The following SORCS1 variants were observed in gnomAD, a reference collection of about 807,000 sequenced individuals.
SORCS1 encodes sortilin related VPS10 domain containing receptor 1, also known as VPS10 domain-containing receptor SorCS1.
Under a neutral mutation model 146.1 loss-of-function variants are expected in SORCS1, and 60 were observed. The observed-to-expected ratio is 0.41, with a 90% CI of 0.33 to 0.51. The LOEUF (loss-of-function observed/expected upper bound fraction) is 0.51, where lower values mean the gene tolerates loss of function less well. Ranked by LOEUF, SORCS1 falls within the 20% of genes least tolerant of loss-of-function variation. The pLI, the probability that SORCS1 is intolerant of heterozygous loss-of-function variation, is 0.21. For synonymous variants in SORCS1, 637 were observed against 584.0 expected (o/e 1.09, Z -1.31); for missense variants, 1,352 against 1,487.6 (o/e 0.91, Z 1.50).
intron 2 of SORCS1, among the ~76,000 whole-genome samples, chr10:106,950,304 T>C (rs1589772045): frequency 6.6e-6 from 1 of 152,364 alleles, no homozygotes; most frequent in Middle Eastern, 3.4e-3. Context: ...CCTGGTTTGT[T>C]GATATCCAGC....
At chr10:107,112,959 A>G (rs61867248) in intron 1 of SORCS1, among the ~76,000 whole-genome samples, 44,082 of 152,164 alleles carry the variant, frequency 0.29, 8,247 homozygotes, top group Middle Eastern at 0.43. Flanking sequence ...TCCAGAGAGA[A>G]AATTAATAAA....
chr10:106,907,912 A>G (rs1951980849), intron 2 of SORCS1, among the ~76,000 whole-genome samples: 1 of 151,552 alleles, frequency 6.6e-6, no homozygotes, highest in African/African-American at 2.4e-5. Flanking sequence ...AAAAAAAATT[A>G]CATCACATAT....
At chr10:107,100,025 G>T (rs1197671990) in intron 1 of SORCS1, among the ~76,000 whole-genome samples, 2 of 152,204 alleles carry the variant, frequency 1.3e-5, no homozygotes, top group Admixed American at 6.5e-5. Flanking sequence ...GGGCAGACAT[G>T]TCTGTTCCTG....
At chr10:106,672,335 A>G (rs997841977) in intron 15 of SORCS1, among the ~76,000 whole-genome samples, 1 of 152,216 alleles carries the variant, frequency 6.6e-6, no homozygotes, top group Non-Finnish European at 1.5e-5. Context: ...GTGAGAGGCC[A>G]GGACAAATGA....
intron 24 of SORCS1, 135 bp from the exon 25 acceptor site, chr10:106,579,609 G>A: frequency 1.2e-6 from 1 of 843,070 alleles, no homozygotes; most frequent in South Asian, 1.7e-5. Flanking sequence ...CAAGATGCAT[G>A]TCACATGGCT....
chr10:106,801,424 T>G (rs1946866657), intron 3 of SORCS1, among the ~76,000 whole-genome samples: 1 of 152,118 alleles, frequency 6.6e-6, no homozygotes, highest in Non-Finnish European at 1.5e-5. Flanking sequence ...TAGCAAACAT[T>G]TAATAGCCCT....
In SORCS1 at chr10:106,911,012, T is replaced by C. The variant is rs114176959; in HGVS notation, c.626+45501A>G. Among the ~76,000 whole-genome samples the C allele has an allele frequency of 3.8e-3, 582 of 152,312 alleles. 2 individuals are homozygous for C. Among genetic ancestry groups the C allele is most frequent in the African/African-American group, 0.012 (498 of 41,562 alleles). On this transcript the variant is annotated intron_variant, in intron 2 of 25. Coordinates refer to ENST00000263054, the MANE Select transcript of SORCS1 (RefSeq NM_052918.5). ...CTTGAATTACTATCCCATCTAGGTC[T>C]TATATATTTCTGATGCCTGTTCTTG... is the stretch of plus-strand genomic sequence containing the variant.
intron 2 of SORCS1, among the ~76,000 whole-genome samples, chr10:106,902,055 A>C (rs1242634099): frequency 6.6e-6 from 1 of 152,090 alleles, no homozygotes; most frequent in Non-Finnish European, 1.5e-5. Flanking sequence ...AAAAAAAAAA[A>C]ATTAGATTTT....
intron 2 of SORCS1, among the ~76,000 whole-genome samples, chr10:106,926,862 CACACAGAGAGAGAGAGAGAG>C (rs1953061442): frequency 2.1e-5 from 2 of 97,364 alleles, no homozygotes; most frequent in African/African-American, 1.0e-4. Flanking sequence ...CACACACACA[CACACAGAGAGAGAGAGAGAG>C]AGAGAGAGAG....
At chr10:106,689,287 A>T (rs947660478) in intron 9 of SORCS1, among the ~76,000 whole-genome samples, 4 of 152,194 alleles carry the variant, frequency 2.6e-5, no homozygotes, top group South Asian at 2.1e-4. Flanking sequence ...ACATTCATGC[A>T]TATTTTACCC....
chr10:107,061,669 C>T (rs1590047319), intron 1 of SORCS1, among the ~76,000 whole-genome samples: 1 of 152,276 alleles, frequency 6.6e-6, no homozygotes, highest in South Asian at 2.1e-4. Context: ...ATCTTGAGTT[C>T]TGGTCTAATT....
intron 1 of SORCS1, among the ~76,000 whole-genome samples, chr10:107,097,467 C>A (rs1350383330): frequency 1.3e-5 from 2 of 152,202 alleles, no homozygotes; most frequent in African/African-American, 4.8e-5. Flanking sequence ...GGTGCTATAA[C>A]AACTGGGCCT....
chr10:106,776,463 G>T, intron 4 of SORCS1, 71 bp downstream of exon 4: 1 of 1,569,060 alleles, frequency 6.4e-7, no homozygotes, highest in South Asian at 1.2e-5. Flanking sequence ...GAAATGGAGA[G>T]ATGATTAAAT....
chr10:106,648,968 A>G (rs1393968159), intron 18 of SORCS1, among the ~76,000 whole-genome samples: 3 of 152,102 alleles, frequency 2.0e-5, no homozygotes, highest in Non-Finnish European at 4.4e-5. Context: ...GCCACCGACC[A>G]GGAGAACTAT....
intron 9 of SORCS1, among the ~76,000 whole-genome samples, chr10:106,698,114 T>A (rs1401535780): frequency 2.6e-5 from 4 of 152,242 alleles, no homozygotes; most frequent in Non-Finnish European, 5.9e-5. Flanking sequence ...TACAGTTTAC[T>A]AACATGCTTT....
intron 24 of SORCS1, among the ~76,000 whole-genome samples, chr10:106,591,254 G>C (rs1396166364): frequency 6.6e-6 from 1 of 152,104 alleles, no homozygotes; most frequent in African/African-American, 2.4e-5. Context: ...CTCTTTCTGG[G>C]ACGTAGAACT....
chr10:106,833,098 G>A (rs919999180), intron 2 of SORCS1, among the ~76,000 whole-genome samples: 1 of 152,028 alleles, frequency 6.6e-6, no homozygotes, highest in African/African-American at 2.4e-5. Flanking sequence ...ATTTACATTA[G>A]CAACATTTTT....
At chr10:106,577,866 A>G in intron 25 of SORCS1, 1 of 244,954 alleles carries the variant, frequency 4.1e-6, no homozygotes, top group East Asian at 1.0e-4. Flanking sequence ...AAATAAAAGA[A>G]AGTGCACTGT....
chr10:106,928,453 C>G (rs1393055006), intron 2 of SORCS1, among the ~76,000 whole-genome samples: 1 of 152,236 alleles, frequency 6.6e-6, no homozygotes, highest in Non-Finnish European at 1.5e-5. Context: ...CGAGCACAGC[C>G]CCGGTTTCCG....
Sources: gnomAD v4.1 joint callset for allele counts (sites outside exome capture counted in the v4.1 genomes callset) on GRCh38, gnomAD v4.1.1 for gene constraint, MANE v1.5 for transcripts, NCBI Gene and HGNC (gene_info 2026-07-23, HGNC 2026-07-21) for gene names.